Variants in FUCA2 observed in about 807,000 individuals in gnomAD.
FUCA2 encodes alpha-L-fucosidase 2.
In FUCA2, 41 loss-of-function variants were observed where a neutral mutation model predicts 52.6. The observed-to-expected ratio is 0.78, with a 90% CI of 0.61 to 1.01. The LOEUF (loss-of-function observed/expected upper bound fraction) is 1.01, where lower values mean the gene tolerates loss of function less well. Among genes scored for constraint, FUCA2 ranks in the 50% least tolerant of loss-of-function variants. The pLI, the probability that FUCA2 is intolerant of heterozygous loss-of-function variation, is 0.00. For synonymous variants in FUCA2, 211 were observed against 217.3 expected (o/e 0.97, Z 0.26); for missense variants, 507 against 569.5 (o/e 0.89, Z 1.12).
chr6:143,495,952 A>G lies in FUCA2; in HGVS notation c.1264-105T>C. On this transcript the variant is annotated intron_variant, in intron 6 of 6. Coordinates refer to ENST00000002165, the MANE Select transcript of FUCA2 (RefSeq NM_032020.5). The surrounding 1 kb of genome is among the most constrained non-coding windows in gnomAD (Gnocchi z 5.2). ...AGTAGTTCAAACAAAATTGTAGACA[A>G]GAGGTTCATTTTTACCTTTATTTAG... 1 of 1,155,048 alleles carries G rather than the reference A, an allele frequency of 8.7e-7. No individual in the cohort carries two copies. Among genetic ancestry groups the G allele is most frequent in the South Asian group, 1.4e-5 (1 of 69,644 alleles). 71.5% of individuals were successfully genotyped at this position (1,155,048 alleles called of 1,614,324 possible). A position where few individuals can be genotyped will look rare whatever the true frequency, so the allele number is the denominator to read the frequency against.
chr6:143,504,147 GT>G lies in FUCA2; in HGVS notation c.517del (p.Thr173LeufsTer44). ...KELEVAIRNR[T>X]DLRFGLYYSL... is the part of the protein sequence containing the mutation. Reference sequence around the variant, plus strand: ...ATAGTACAGTCCAAAACGCAGGTCAGTTCTGTTCCTAATGGCTACCTCAAGT... The same window carrying G: ...ATAGTACAGTCCAAAACGCAGGTCAGTCTGTTCCTAATGGCTACCTCAAGT... On this transcript the variant is annotated frameshift_variant, in exon 3 of 7. Transcript: ENST00000002165. LOFTEE classifies it high-confidence loss of function. The surrounding 1 kb of genome is among the most constrained non-coding windows in gnomAD (Gnocchi z 4.4). 2 of 1,614,176 alleles carry G rather than the reference GT, an allele frequency of 1.2e-6. No individual in the cohort carries two copies. The highest frequency in any genetic ancestry group is 2.2e-5 in the South Asian group (2 of 91,082).
chr6:143,495,951 A>T lies in FUCA2; in HGVS notation c.1264-104T>A. 8.6e-7 allele frequency: 1 copy of T among 1,160,314 alleles called. No individual in the cohort carries two copies. The highest frequency in any genetic ancestry group is 1.2e-6 in the Non-Finnish European group (1 of 810,168). The allele number at this position is 1,160,314 out of a possible 1,614,324, so 71.9% of individuals were successfully genotyped here. A position where few individuals can be genotyped will look rare whatever the true frequency, so the allele number is the denominator to read the frequency against. On this transcript the variant is annotated intron_variant, in intron 6 of 6. Coordinates refer to ENST00000002165, the MANE Select transcript of FUCA2 (RefSeq NM_032020.5). The surrounding 1 kb of genome is among the most constrained non-coding windows in gnomAD (Gnocchi z 5.2). ...TAGTAGTTCAAACAAAATTGTAGAC[A>T]AGAGGTTCATTTTTACCTTTATTTA...
In FUCA2 at chr6:143,500,571, C is replaced by T. The variant is rs975747887; in HGVS notation, c.1154+1361G>A. ...TAAAACTCAGGGCTTCAGTTGTGGA[C>T]GTACAGGTCTAAGATGCTATGCATC... On this transcript the variant is annotated intron_variant, in intron 5 of 6. Transcript: ENST00000002165. This position sits in a 1 kb window ranked among gnomAD's most constrained non-coding sequence, Gnocchi z 6.9. Among the ~76,000 whole-genome samples the T allele has an allele frequency of 1.3e-5, 2 of 152,042 alleles. No individual in the cohort carries two copies. The highest frequency in any genetic ancestry group is 4.8e-5 in the African/African-American group (2 of 41,386).
At position 143,511,716 on chromosome 6, in the gene FUCA2, G is replaced by T; in HGVS notation, c.-82C>A. 7.7e-7 allele frequency: 1 copy of T among 1,304,346 alleles called. No individual in the cohort carries two copies. The highest frequency in any genetic ancestry group is 1.0e-6 in the Non-Finnish European group (1 of 985,298). 80.8% of individuals were successfully genotyped at this position (1,304,346 alleles called of 1,614,324 possible). A position where few individuals can be genotyped will look rare whatever the true frequency, so the allele number is the denominator to read the frequency against. ...TTCTTCCGTCTCTGCCGCTGAGTAT[G>T]CCGCGCCGCGGTCACCTGACCAAGT... is the stretch of plus-strand genomic sequence containing the variant. On this transcript the variant is annotated 5_prime_UTR_variant, in exon 1 of 7. Transcript: ENST00000002165. The surrounding 1 kb of genome is among the most constrained non-coding windows in gnomAD (Gnocchi z 6.3).
chr6:143,496,973 T>A (rs575360218), intron 6 of FUCA2: 1 of 152,796 alleles, frequency 6.5e-6, no homozygotes, highest in Non-Finnish European at 1.5e-5. Context: ...AAATTCATTT[T>A]ATTTTATTAT....
At chr6:143,506,962 C>G in intron 2 of FUCA2, 5 of 370,314 alleles carry the variant, frequency 1.4e-5, no homozygotes, top group Non-Finnish European at 2.4e-5. Flanking sequence ...CTTCAACAAA[C>G]AGCTTTAAGT....
At chr6:143,498,351 A>G (rs1208291355) in intron 5 of FUCA2, among the ~76,000 whole-genome samples, 1 of 152,210 alleles carries the variant, frequency 6.6e-6, no homozygotes, top group African/African-American at 2.4e-5. Flanking sequence ...GGTGTTGATT[A>G]AATGCTATGG....
Position 143,502,670 on chromosome 6 carries a change from AC to A in FUCA2, c.753-106del. ...AATTGAAATACAATTCTGAAAAGGG[AC>A]CATGGCATAGTACAGTGGAAAGCCC... On this transcript the variant is annotated intron_variant, in intron 3 of 6. Transcript: ENST00000002165. The surrounding 1 kb of genome is among the most constrained non-coding windows in gnomAD (Gnocchi z 4.1). 1 of 964,568 alleles carries A rather than the reference AC, an allele frequency of 1.0e-6. No homozygotes were observed. Among genetic ancestry groups the A allele is most frequent in the Non-Finnish European group, 1.5e-6 (1 of 650,664 alleles). The allele number at this position is 964,568 out of a possible 1,614,324, so 59.8% of individuals were successfully genotyped here.
Position 143,502,502 on chromosome 6 carries a change from A to C in FUCA2, c.816T>G (p.Gly272=). 6.2e-7 allele frequency: 1 copy of C among 1,614,166 alleles called. No homozygotes were observed. Among genetic ancestry groups the C allele is most frequent in the Non-Finnish European group, 8.5e-7 (1 of 1,179,984 alleles). Residue 272 remains glycine, a synonymous_variant, in exon 4 of 7, where the codon GGT becomes GGG. Transcript: ENST00000002165. This position sits in a 1 kb window ranked among gnomAD's most constrained non-coding sequence, Gnocchi z 4.1. ...AACGATCACTGCAGGTATAGAAGCC[A>C]CCATGCTTACAGATGCTACCAGCTC... is the stretch of plus-strand genomic sequence containing the variant. ...RWGAGSICKH[G]GFYTCSDRYN... is the part of the protein sequence containing the mutation.
rs1321921148 is a variant in FUCA2 at position 143,511,375 on chromosome 6, A to C, written c.224+36T>G. On this transcript the variant is annotated intron_variant, in intron 1 of 6. Coordinates refer to ENST00000002165, the MANE Select transcript of FUCA2 (RefSeq NM_032020.5). This position sits in a 1 kb window ranked among gnomAD's most constrained non-coding sequence, Gnocchi z 6.3. ...GGCTGGAGGCTGCGGGTGGGGACAA[A>C]AGCGCGGCAGACGAGACAAAAGGGA... The C allele has an allele frequency of 3.9e-6, 6 of 1,556,326 alleles. No individual in the cohort carries two copies. The South Asian group carries it at 4.7e-5, about 12-fold the overall frequency.
chr6:143,509,084 T>C lies in FUCA2; in HGVS notation c.225-1660A>G, dbSNP rs929800091. ...AAGAGAAACTGGGACATTCAGAAAG[T>C]TGAACAAGAATAAGGAATTTCTCCT... On this transcript the variant is annotated intron_variant, in intron 1 of 6. Transcript: ENST00000002165. This position sits in a 1 kb window ranked among gnomAD's most constrained non-coding sequence, Gnocchi z 5.4. 3.3e-5 allele frequency among the ~76,000 whole-genome samples: 5 copies of C among 152,112 alleles called. No homozygotes were observed. The highest frequency in any genetic ancestry group is 7.2e-5 in the African/African-American group (3 of 41,408).
At position 143,504,124 on chromosome 6, in the gene FUCA2, A is replaced by C; in HGVS notation, c.541T>G (p.Tyr181Asp). The C allele has an allele frequency of 1.2e-6, 2 of 1,614,186 alleles. No individual in the cohort carries two copies. Among genetic ancestry groups the C allele is most frequent in the Non-Finnish European group, 8.5e-7 (1 of 1,180,020 alleles). Residue 181 changes from tyrosine (Y) to aspartate (D), a missense_variant, in exon 3 of 7, where the codon TAT becomes GAT. Coordinates refer to ENST00000002165, the MANE Select transcript of FUCA2 (RefSeq NM_032020.5). This position sits in a 1 kb window ranked among gnomAD's most constrained non-coding sequence, Gnocchi z 4.4. The stretch of plus-strand genomic sequence containing the variant: ...GGATGAAACCATTCAAAAAGGGAAT[A>C]GTACAGTCCAAAACGCAGGTCAGTT... ...NRTDLRFGLY[Y>D]SLFEWFHPLF...
At position 143,510,634 on chromosome 6, in the gene FUCA2, G is replaced by A. The variant is rs1415421213; in HGVS notation, c.224+777C>T. Among the ~76,000 whole-genome samples the A allele has an allele frequency of 7.2e-6, 1 of 138,254 alleles. No homozygotes were observed. Among genetic ancestry groups the A allele is most frequent in the Non-Finnish European group, 1.5e-5 (1 of 65,608 alleles). The allele number at this position is 138,254 out of a possible 152,430, so 90.7% of individuals were successfully genotyped here. A position where few individuals can be genotyped will look rare whatever the true frequency, so the allele number is the denominator to read the frequency against. ...AGCCTGGGTGACAGAATGAGACTATGTCTCAAAAAAAAAAAAAAAAGAATA... is the reference window on the plus strand; with the variant it reads ...AGCCTGGGTGACAGAATGAGACTATATCTCAAAAAAAAAAAAAAAAGAATA... On this transcript the variant is annotated intron_variant, in intron 1 of 6. Transcript: ENST00000002165. This position sits in a 1 kb window ranked among gnomAD's most constrained non-coding sequence, Gnocchi z 4.4.
At chr6:143,508,457 T>C (rs142642141) in intron 1 of FUCA2, among the ~76,000 whole-genome samples, 2 of 152,370 alleles carry the variant, frequency 1.3e-5, no homozygotes, top group Middle Eastern at 3.4e-3. Flanking sequence ...CAGGAGACTC[T>C]GCTAAGAAGA....
At position 143,507,362 on chromosome 6, in the gene FUCA2, G is replaced by C; in HGVS notation, c.287C>G (p.Pro96Arg). ...YVEFMKDNYP[P>R]SFKYEDFGPL... Reference sequence around the variant, plus strand: ...TCCAAAATCTTCATATTTGAAACTAGGAGGGTAATTATCTTTCATAAATTC... The same window carrying C: ...TCCAAAATCTTCATATTTGAAACTACGAGGGTAATTATCTTTCATAAATTC... Residue 96 changes from proline to arginine, a missense_variant, in exon 2 of 7, where the codon CCT becomes CGT. Transcript: ENST00000002165. The surrounding 1 kb of genome is among the most constrained non-coding windows in gnomAD (Gnocchi z 4.5). 1 of 1,608,050 alleles carries C rather than the reference G, an allele frequency of 6.2e-7. No individual in the cohort carries two copies. Among genetic ancestry groups the C allele is most frequent in the Non-Finnish European group, 8.5e-7 (1 of 1,178,616 alleles).
In FUCA2 at chr6:143,502,724, T is replaced by C. The variant is rs1780547923; in HGVS notation, c.753-159A>G. ...GGTTTTGAAGTCAAACAGACCTGAG[T>C]TGATTGGAGTTCTGGCTTTGTCACT... On this transcript the variant is annotated intron_variant, in intron 3 of 6. Transcript: ENST00000002165. This position sits in a 1 kb window ranked among gnomAD's most constrained non-coding sequence, Gnocchi z 4.1. 2 of 625,604 alleles carry C rather than the reference T, an allele frequency of 3.2e-6. No individual in the cohort carries two copies. Among genetic ancestry groups the C allele is most frequent in the East Asian group, 5.6e-5 (2 of 35,950 alleles). 38.8% of individuals were successfully genotyped at this position (625,604 alleles called of 1,614,324 possible).
chr6:143,507,538 T>TG lies in FUCA2; in HGVS notation c.225-115_225-114insC, dbSNP rs1310084956. The TG allele has an allele frequency of 2.1e-5, 15 of 724,128 alleles. No individual in the cohort carries two copies. Among genetic ancestry groups the TG allele is most frequent in the Non-Finnish European group, 3.0e-5 (14 of 459,704 alleles). The allele number at this position is 724,128 out of a possible 1,614,324, so 44.9% of individuals were successfully genotyped here. On this transcript the variant is annotated intron_variant, in intron 1 of 6. Transcript: ENST00000002165. The surrounding 1 kb of genome is among the most constrained non-coding windows in gnomAD (Gnocchi z 4.5). ...ACACAGATAGGACCCAGATTCTCTT[T>TG]CTCACTTCCCCATTAGTTTGACTTG...
rs1057164518 is a variant in FUCA2 at position 143,502,214 on chromosome 6, T to C, written c.964-92A>G. ...GCATTTATATATTTATACATGTATA[T>C]ATAGTCACTGCCTAGAAGAACAAAC... On this transcript the variant is annotated intron_variant, in intron 4 of 6. Coordinates refer to ENST00000002165, the MANE Select transcript of FUCA2 (RefSeq NM_032020.5). This position sits in a 1 kb window ranked among gnomAD's most constrained non-coding sequence, Gnocchi z 4.1. 1 of 1,289,212 alleles carries C rather than the reference T, an allele frequency of 7.8e-7. No homozygotes were observed. The highest frequency in any genetic ancestry group is 1.1e-6 in the Non-Finnish European group (1 of 928,404). The allele number at this position is 1,289,212 out of a possible 1,614,324, so 79.9% of individuals were successfully genotyped here.
chr6:143,505,307 ATTTTTTTTTTTT>A (rs35474217), intron 2 of FUCA2: 1 of 96,626 alleles, frequency 1.0e-5, no homozygotes, highest in Non-Finnish European at 2.0e-5. Context: ...CATACTTTCG[ATTTTTTTTTTTT>A]TTTTTTTTTT....
Sources: allele counts gnomAD v4.1 joint callset (sites outside exome capture counted in the v4.1 genomes callset), GRCh38; gene constraint gnomAD v4.1.1; non-coding constraint Gnocchi (gnomAD v3.1); transcripts MANE v1.5; gene names NCBI Gene and HGNC (gene_info 2026-07-23, HGNC 2026-07-21).